PTPRD: variants seen among roughly 807,000 people sequenced by gnomAD.
PTPRD encodes protein tyrosine phosphatase receptor type D.
In PTPRD, 34 loss-of-function variants were observed where a neutral mutation model predicts 214.5. That is an observed-to-expected ratio of 0.16 (90% CI 0.12 to 0.21). The LOEUF (loss-of-function observed/expected upper bound fraction) is 0.21, where lower values mean the gene tolerates loss of function less well. PTPRD is among the 10% of genes least tolerant of loss of function. The probability of loss-of-function intolerance (pLI) is 1.00; values close to 1 mark genes in which losing one functional copy is unlikely to be tolerated. For missense variants in PTPRD, 2,545 were observed against 2,398.7 expected (o/e 1.06, Z -1.27); for synonymous variants, 1,128 against 845.7 (o/e 1.33, Z -5.79).
At chr9:10,097,328 C>T (rs546298205) in intron 3 of PTPRD, among the ~76,000 whole-genome samples, 1 of 119,892 alleles carries the variant, frequency 8.3e-6, no homozygotes, top group African/African-American at 3.6e-5. Flanking sequence ...TTACGTTGGG[C>T]AGTATGGCCA....
intron 8 of PTPRD, among the ~76,000 whole-genome samples, chr9:9,512,859 T>G (rs1188985704): frequency 8.5e-6 from 1 of 117,910 alleles, no homozygotes; most frequent in Non-Finnish European, 1.8e-5. Context: ...TCTTTTGCCT[T>G]CTATGGTGAT....
chr9:8,461,006 A>G (rs2096383495), intron 32 of PTPRD, among the ~76,000 whole-genome samples: 1 of 152,082 alleles, frequency 6.6e-6, no homozygotes, highest in African/African-American at 2.4e-5. Context: ...TCATACAGTT[A>G]AGGAGACCAA....
At chr9:8,868,742 A>T (rs2098243049) in intron 11 of PTPRD, among the ~76,000 whole-genome samples, 1 of 152,176 alleles carries the variant, frequency 6.6e-6, no homozygotes, top group Admixed American at 6.6e-5. Flanking sequence ...TACAAATGAG[A>T]TGCAGTCCAA....
At chr9:9,694,390 TTACATTTTCCCA>T (rs1392893078) in intron 7 of PTPRD, among the ~76,000 whole-genome samples, 1 of 152,122 alleles carries the variant, frequency 6.6e-6, no homozygotes, top group Non-Finnish European at 1.5e-5. Context: ...TTCTTTTCCC[TTACATTTTCCCA>T]AACATATGGA....
At chr9:9,057,357 C>A (rs1168124171) in intron 10 of PTPRD, among the ~76,000 whole-genome samples, 4 of 152,042 alleles carry the variant, frequency 2.6e-5, no homozygotes, top group South Asian at 2.1e-4. Flanking sequence ...ATATCCAATT[C>A]AATGCCCTCA....
At chr9:8,804,568 G>C (rs2096637202) in intron 11 of PTPRD, among the ~76,000 whole-genome samples, 1 of 152,070 alleles carries the variant, frequency 6.6e-6, no homozygotes, top group Non-Finnish European at 1.5e-5. Flanking sequence ...ATGCACTGCA[G>C]TCCCGTGTGA....
intron 4 of PTPRD, among the ~76,000 whole-genome samples, chr9:10,023,225 C>A (rs1377907883): frequency 1.3e-5 from 2 of 152,074 alleles, no homozygotes; most frequent in African/African-American, 4.8e-5. Context: ...TAGAATTAAT[C>A]ATTTTAAGTG....
intron 5 of PTPRD, among the ~76,000 whole-genome samples, chr9:9,781,050 T>C (rs2098839069): frequency 1.3e-5 from 2 of 151,912 alleles, no homozygotes; most frequent in South Asian, 4.2e-4. Flanking sequence ...GAGGAACAAA[T>C]AGGAGGAGCA....
chr9:10,453,784 C>G (rs1043039261), intron 2 of PTPRD, among the ~76,000 whole-genome samples: 1 of 151,266 alleles, frequency 6.6e-6, no homozygotes, highest in Non-Finnish European at 1.5e-5. Context: ...ATGTGGATGT[C>G]TTTTATTTTT....
intron 11 of PTPRD, among the ~76,000 whole-genome samples, chr9:8,767,252 G>T (rs2094827726): frequency 6.6e-6 from 1 of 151,980 alleles, no homozygotes; most frequent in Non-Finnish European, 1.5e-5. Flanking sequence ...CGAGTAGCTG[G>T]GATTACAGGT....
At chr9:8,736,020 G>A (rs2090272352) in intron 11 of PTPRD, among the ~76,000 whole-genome samples, 1 of 151,990 alleles carries the variant, frequency 6.6e-6, no homozygotes, top group Non-Finnish European at 1.5e-5. Flanking sequence ...TACAAAAAGA[G>A]CCATTTAATG....
At chr9:9,505,619 C>T (rs1427685912) in intron 8 of PTPRD, among the ~76,000 whole-genome samples, 2 of 151,462 alleles carry the variant, frequency 1.3e-5, no homozygotes, top group South Asian at 4.1e-4. Flanking sequence ...AATGGCCATA[C>T]TGCATTCTAT....
intron 2 of PTPRD, among the ~76,000 whole-genome samples, chr9:10,488,995 T>C (rs2099150947): frequency 6.6e-6 from 1 of 152,106 alleles, no homozygotes; most frequent in African/African-American, 2.4e-5. Context: ...AAGTTCCCTT[T>C]GTTTTTCCTT....
At chr9:8,525,945 GA>G (rs2073993779) in intron 17 of PTPRD, among the ~76,000 whole-genome samples, 1 of 151,890 alleles carries the variant, frequency 6.6e-6, no homozygotes, top group South Asian at 2.1e-4. Context: ...CTGAAGGACA[GA>G]AGATCCAAAA....
At chr9:9,462,049 C>T (rs1405741423) in intron 8 of PTPRD, among the ~76,000 whole-genome samples, 1 of 152,048 alleles carries the variant, frequency 6.6e-6, no homozygotes, top group African/African-American at 2.4e-5. Context: ...TTTTTGTCTT[C>T]CTGATCTATA....
In PTPRD at chr9:8,330,107, G is replaced by A. The variant is rs35627193; in HGVS notation, c.5534+1475C>T. ...TGTTCCTCGTGGTACAGTCTCTCAC[G>A]GCTTCCCTTGGCTAGGAAAGGGAAA... On this transcript the variant is annotated intron_variant, in intron 44 of 45. Transcript: ENST00000381196. 1.1e-4 allele frequency among the ~76,000 whole-genome samples: 16 copies of A among 152,152 alleles called. No homozygotes were observed. The East Asian group carries it at 2.5e-3, about 24-fold the overall frequency.
At chr9:8,353,000 A>C (rs1340060900) in intron 39 of PTPRD, among the ~76,000 whole-genome samples, 2 of 152,156 alleles carry the variant, frequency 1.3e-5, no homozygotes, top group Non-Finnish European at 1.5e-5. Flanking sequence ...AGTCCCAGCT[A>C]CTAGGGAGGC....
chr9:8,341,342 C>G, intron 40 of PTPRD, 74 bp from the exon 41 acceptor site: 1 of 1,411,862 alleles, frequency 7.1e-7, no homozygotes, highest in Non-Finnish European at 9.6e-7. Context: ...ATGCAGTGTA[C>G]CCCAGATTTC....
chr9:9,788,882 A>T (rs2098946668), intron 5 of PTPRD, among the ~76,000 whole-genome samples: 1 of 152,104 alleles, frequency 6.6e-6, no homozygotes, highest in Non-Finnish European at 1.5e-5. Flanking sequence ...CTAGGGTCAA[A>T]ATTAGATCTA....
Sources: gnomAD v4.1 joint callset for allele counts (sites outside exome capture counted in the v4.1 genomes callset) on GRCh38, gnomAD v4.1.1 for gene constraint, MANE v1.5 for transcripts, NCBI Gene and HGNC (gene_info 2026-07-23, HGNC 2026-07-21) for gene names.